TMEM232: variants seen among roughly 807,000 people sequenced by gnomAD.
TMEM232 encodes the protein transmembrane protein 232.
A neutral mutation model predicts 78.8 loss-of-function variants in TMEM232; 80 were observed. That is an observed-to-expected ratio of 1.01 (90% confidence interval 0.85 to 1.22). The LOEUF is 1.22. Ranked by LOEUF, TMEM232 falls within the 50% of genes most tolerant of loss-of-function variation. The pLI, the probability that TMEM232 is intolerant of heterozygous loss-of-function variation, is 0.00. For missense variants in TMEM232, 881 were observed against 742.2 expected (o/e 1.19, Z -2.17); for synonymous variants, 297 against 254.3 (o/e 1.17, Z -1.60).
At chr5:110,408,193 A>G (rs1755863806) in intron 2 of TMEM232, among the ~76,000 whole-genome samples, 1 of 152,118 alleles carries the variant, frequency 6.6e-6, no homozygotes, top group African/African-American at 2.4e-5. Context: ...AAAATTAACA[A>G]CCTAATGGTG....
chr5:110,725,732 CTTT>C (rs1033076439), intron 1 of TMEM232: 2 of 152,040 alleles, frequency 1.3e-5, no homozygotes, highest in Non-Finnish European at 2.9e-5. Context: ...ACCCAGATTT[CTTT>C]TTTTAGTTTT....
chr5:110,528,009 GT>G (rs1164605827), intron 12 of TMEM232, among the ~76,000 whole-genome samples: 1 of 151,820 alleles, frequency 6.6e-6, no homozygotes, highest in East Asian at 1.9e-4. Flanking sequence ...TTAACATTCT[GT>G]GTATGTTAAA....
intron 12 of TMEM232, among the ~76,000 whole-genome samples, chr5:110,511,444 TAAAAAA>T (rs888646524): frequency 6.9e-6 from 1 of 145,984 alleles, no homozygotes; most frequent in Non-Finnish European, 1.5e-5. Flanking sequence ...AAGTATAATT[TAAAAAA>T]AAAAGAAAAA....
intron 1 of TMEM232, among the ~76,000 whole-genome samples, chr5:110,724,621 G>C (rs951515149): frequency 6.6e-6 from 1 of 152,122 alleles, no homozygotes; most frequent in African/African-American, 2.4e-5. Context: ...CATGAGATTA[G>C]GTTCTCATCA....
At chr5:110,424,133 A>T (rs1475986912) in intron 13 of TMEM232, among the ~76,000 whole-genome samples, 1 of 152,128 alleles carries the variant, frequency 6.6e-6, no homozygotes, top group Non-Finnish European at 1.5e-5. Context: ...TCTTCACAAG[A>T]TTACTACTTA....
chr5:110,439,383 T>C (rs761632784), intron 12 of TMEM232, among the ~76,000 whole-genome samples: 2 of 152,100 alleles, frequency 1.3e-5, no homozygotes, highest in Non-Finnish European at 2.9e-5. Context: ...TAAAACATTC[T>C]AGAGATGCAG....
chr5:110,731,045 G>C (rs1156903950), upstream of TMEM232, among the ~76,000 whole-genome samples: 1 of 152,152 alleles, frequency 6.6e-6, no homozygotes, highest in African/African-American at 2.4e-5. Flanking sequence ...TTCAGGTATT[G>C]GGTAAATACA....
intron 1 of TMEM232, among the ~76,000 whole-genome samples, chr5:110,695,595 A>G (rs1160943635): frequency 6.6e-6 from 1 of 152,198 alleles, no homozygotes; most frequent in Non-Finnish European, 1.5e-5. Flanking sequence ...AATCAAATAG[A>G]CACAATAAAA....
At chr5:110,618,591 T>C in intron 7 of TMEM232, 29 bp from the exon 8 acceptor site, 1 of 1,520,132 alleles carries the variant, frequency 6.6e-7, no homozygotes, top group Non-Finnish European at 8.8e-7. Flanking sequence ...TTTCAGGAAT[T>C]AAAATATAAA....
At chr5:110,424,785 A>C (rs1015826003) in intron 13 of TMEM232, 38 bp downstream of exon 13, 1 of 1,458,844 alleles carries the variant, frequency 6.9e-7, no homozygotes, top group Admixed American at 2.1e-5. Context: ...TTTAAGGAAC[A>C]AAGCTTTTGC....
At chr5:110,620,758 C>T (rs1314111726) in intron 7 of TMEM232, among the ~76,000 whole-genome samples, 1 of 149,542 alleles carries the variant, frequency 6.7e-6, no homozygotes, top group Non-Finnish European at 1.5e-5. Context: ...GGCAGTAGAA[C>T]ATTGACATCA....
intron 8 of TMEM232, among the ~76,000 whole-genome samples, chr5:110,613,038 A>T (rs948754566): frequency 3.3e-5 from 5 of 152,168 alleles, no homozygotes; most frequent in African/African-American, 1.2e-4. Context: ...AGGCCAATGC[A>T]TGGCAGCTGG....
chr5:110,426,033 C>G (rs968675175), intron 12 of TMEM232, among the ~76,000 whole-genome samples: 9 of 152,090 alleles, frequency 5.9e-5, no homozygotes, highest in Non-Finnish European at 1.3e-4. Context: ...CCCTAATGCA[C>G]AGGCTTTCTT....
chr5:110,482,818 G>A (rs1189750526), intron 12 of TMEM232, among the ~76,000 whole-genome samples: 1 of 151,698 alleles, frequency 6.6e-6, no homozygotes. Flanking sequence ...AAACAAAAAA[G>A]TTTATCAACC....
At chr5:110,600,364 G>T (rs1318338035) in intron 10 of TMEM232, among the ~76,000 whole-genome samples, 2 of 152,104 alleles carry the variant, frequency 1.3e-5, no homozygotes, top group African/African-American at 4.8e-5. Context: ...AAAAATCAAT[G>T]AATCCAGGAG....
At position 110,638,239 on chromosome 5, in the gene TMEM232, G is replaced by T; in HGVS notation, c.460C>A (p.Leu154Ile). 1 of 1,548,922 alleles carries T rather than the reference G, an allele frequency of 6.5e-7. No individual in the cohort carries two copies. The highest frequency in any genetic ancestry group is 1.2e-5 in the South Asian group (1 of 83,236). Residue 154 changes from leucine to isoleucine, a missense_variant, in exon 5 of 14, where the codon CTC becomes ATC. By Grantham distance (5) the Leu-to-Ile change is conservative. Coordinates refer to ENST00000455884, the MANE Select transcript of TMEM232 (RefSeq NM_001039763.4). ...TCAACTGAATATAAATATGTTTTGA[G>T]GGATGCATCACAACACAGTCTGTAT... ...VLYRLCCDASLKTYLYSVEIK... is the reference protein window; with the variant it reads ...VLYRLCCDASIKTYLYSVEIK...
At chr5:110,450,160 C>A (rs1281030048) in intron 12 of TMEM232, among the ~76,000 whole-genome samples, 2 of 152,110 alleles carry the variant, frequency 1.3e-5, no homozygotes, top group Admixed American at 1.3e-4. Context: ...CATAAGTTTC[C>A]TGAGGCCTCA....
At chr5:110,457,247 T>G (rs1325370864) in intron 12 of TMEM232, among the ~76,000 whole-genome samples, 1 of 152,088 alleles carries the variant, frequency 6.6e-6, no homozygotes, top group East Asian at 1.9e-4. Context: ...GATGTATGGA[T>G]GCTGAGTACA....
chr5:110,514,513 C>G (rs895820466), intron 12 of TMEM232, among the ~76,000 whole-genome samples: 1 of 151,916 alleles, frequency 6.6e-6, no homozygotes, highest in Non-Finnish European at 1.5e-5. Context: ...TCTATATCCT[C>G]AGGACAAAGC....
Sources: allele counts gnomAD v4.1 joint callset (sites outside exome capture counted in the v4.1 genomes callset), GRCh38; gene constraint gnomAD v4.1.1; transcripts MANE v1.5; gene names NCBI Gene and HGNC (gene_info 2026-07-23, HGNC 2026-07-21).